Variants in HGF observed in about 807,000 individuals in gnomAD.
HGF encodes fibroblast-derived tumor cytotoxic factor.
In HGF, 39 loss-of-function variants were observed where a neutral mutation model predicts 111.6. That is an observed-to-expected ratio of 0.35 (90% confidence interval 0.27 to 0.46). HGF has a LOEUF of 0.46. Ranked by LOEUF, HGF falls within the 20% of genes least tolerant of loss-of-function variation. The pLI, the probability that HGF is intolerant of heterozygous loss-of-function variation, is 1.00. For missense variants in HGF, 735 were observed against 910.5 expected, an observed-to-expected ratio of 0.81 and a Z score of 2.48; for synonymous variants, 285 against 294.8, an observed-to-expected ratio of 0.97 and a Z score of 0.34.
At position 81,758,712 on chromosome 7, in the gene HGF, A is replaced by G. The variant is rs151170133; in HGVS notation, c.347T>C (p.Phe116Ser). 1 of 1,608,482 alleles carries G rather than the reference A, an allele frequency of 6.2e-7. No homozygotes were observed. The highest frequency in any genetic ancestry group is 8.5e-7 in the Non-Finnish European group (1 of 1,175,178). The change falls in exon 3 of 18, where the codon TTT becomes TCT. Residue 116 changes from phenylalanine to serine, a missense_variant. Transcript: ENST00000222390. ...SGVKKEFGHE[F>S]DLYENKDYIR... ...GTTACCTTTGTTTTCATAGAGGTCA[A>G]ATTCATGGCCAAATTCTTTTTTCAC...
At chr7:81,724,065 G>A (rs918179172) in intron 9 of HGF, among the ~76,000 whole-genome samples, 76 of 152,072 alleles carry the variant, frequency 5.0e-4, no homozygotes, top group African/African-American at 1.4e-3. Context: ...TTTAAGTGAC[G>A]TATATGTATA....
Position 81,726,034 on chromosome 7 carries a change from T to A in HGF, c.1041-17A>T. On this transcript the variant is annotated splice_polypyrimidine_tract_variant and intron_variant, in intron 8 of 17. Transcript: ENST00000222390. ...CGTAGGTCCCTATTGAGAATAAGCATGTTAATGTAAATTGCCGGAGTTCTT... is the reference window on the plus strand; with the variant it reads ...CGTAGGTCCCTATTGAGAATAAGCAAGTTAATGTAAATTGCCGGAGTTCTT... The A allele has an allele frequency of 6.2e-7, 1 of 1,613,690 alleles. No homozygotes were observed.
chr7:81,747,202 G>C (rs1408758525), intron 5 of HGF, among the ~76,000 whole-genome samples: 1 of 152,180 alleles, frequency 6.6e-6, no homozygotes, highest in East Asian at 1.9e-4. Flanking sequence ...AATCAGGTGT[G>C]GTGGTGGGCA....
intron 1 of HGF, among the ~76,000 whole-genome samples, chr7:81,765,827 C>T (rs1393105174): frequency 1.3e-5 from 2 of 152,134 alleles, no homozygotes; most frequent in Non-Finnish European, 2.9e-5. Context: ...CAGTTAAAAG[C>T]CAAGCTTAAT....
chr7:81,710,371 G>C (rs2115800017), intron 12 of HGF, 128 bp from the exon 13 acceptor site: 1 of 720,312 alleles, frequency 1.4e-6, no homozygotes, highest in East Asian at 2.7e-5. Flanking sequence ...AGAACAGTTT[G>C]GTGAAAGAGA....
chr7:81,736,107 C>T (rs10225296), intron 7 of HGF, among the ~76,000 whole-genome samples: 1 of 151,992 alleles, frequency 6.6e-6, no homozygotes, highest in Non-Finnish European at 1.5e-5. Flanking sequence ...GATCTACCCA[C>T]GTCTCACTTC....
At chr7:81,713,957 G>A (rs1488707386) in intron 11 of HGF, among the ~76,000 whole-genome samples, 1 of 150,398 alleles carries the variant, frequency 6.6e-6, no homozygotes, top group Admixed American at 6.7e-5. Flanking sequence ...AATGATAAAA[G>A]TTTTACCTAC....
At chr7:81,732,575 G>C (rs1428389868) in intron 7 of HGF, among the ~76,000 whole-genome samples, 2 of 152,082 alleles carry the variant, frequency 1.3e-5, no homozygotes, top group African/African-American at 4.8e-5. Context: ...ACCCATGATA[G>C]TTACAATCTG....
In HGF at chr7:81,706,289, G is replaced by A. The variant is rs1479154883; in HGVS notation, c.1755C>T (p.Ala585=). 2 of 1,612,186 alleles carry A rather than the reference G, an allele frequency of 1.2e-6. No homozygotes were observed. Among genetic ancestry groups the A allele is most frequent in the East Asian group, 2.2e-5 (1 of 44,830 alleles). Residue 585 remains alanine, a splice_region_variant and synonymous_variant, in exon 15 of 18, where the codon GCC becomes GCT. Transcript: ENST00000222390. ...EGSDLVLMKL[A]RPAVLDDFVS... ...CAAAATCTTCTAAAGTAACTAACCTGGCAAGCTTCATTAAAACCAGATCTG... is the reference window on the plus strand; with the variant it reads ...CAAAATCTTCTAAAGTAACTAACCTAGCAAGCTTCATTAAAACCAGATCTG...
At chr7:81,742,767 A>C in intron 7 of HGF, 1 of 1,509,858 alleles carries the variant, frequency 6.6e-7, no homozygotes, top group Admixed American at 2.1e-5. Flanking sequence ...GATTGTATGG[A>C]CTGCTAAAAG....
chr7:81,709,326 C>T (rs1180086005), intron 13 of HGF, among the ~76,000 whole-genome samples: 1 of 152,034 alleles, frequency 6.6e-6, no homozygotes, highest in East Asian at 1.9e-4. Flanking sequence ...CAATGTGGTT[C>T]AAATTCAATG....
chr7:81,751,495 G>GC (rs1788494796), intron 5 of HGF: 3 of 408,998 alleles, frequency 7.3e-6, no homozygotes, highest in Non-Finnish European at 8.2e-6. Context: ...TGGACTTAAG[G>GC]TCCATAGACA....
rs78291552 is a variant in HGF at position 81,702,807 on chromosome 7, G to T, written c.2011-50C>A. 3,463 of 1,474,030 alleles carry T rather than the reference G, an allele frequency of 2.3e-3. 8 individuals carry two copies. The highest frequency in any genetic ancestry group is 3.9e-3 in the Admixed American group (229 of 59,224). The allele number at this position is 1,474,030 out of a possible 1,614,324, so 91.3% of individuals were successfully genotyped here. ...AAGTATTATTAGGAATTAAAAAAAA[G>T]CTCATTAACATAATCATATATAGAT... On this transcript the variant is annotated intron_variant, in intron 17 of 17. Coordinates refer to ENST00000222390, the MANE Select transcript of HGF (RefSeq NM_000601.6).
chr7:81,737,000 A>ATC (rs547180398), intron 7 of HGF, among the ~76,000 whole-genome samples: 115 of 151,662 alleles, frequency 7.6e-4, no homozygotes, highest in African/African-American at 2.4e-3. Context: ...GTGGATATAG[A>ATC]TATTTCATTC....
chr7:81,757,503 A>C (rs1788838069), intron 3 of HGF, among the ~76,000 whole-genome samples, 200 bp from the exon 4 acceptor site: 1 of 152,196 alleles, frequency 6.6e-6, no homozygotes, highest in African/African-American at 2.4e-5. Flanking sequence ...ATGATTGAGA[A>C]GTTTTAATTT....
chr7:81,707,258 T>A (rs1241719563), intron 14 of HGF, 32 bp downstream of exon 14: 9 of 1,271,104 alleles, frequency 7.1e-6, no homozygotes. Flanking sequence ...TTTTAAAGGC[T>A]CAAAATAATA....
intron 13 of HGF, among the ~76,000 whole-genome samples, chr7:81,709,128 TCTCTA>T (rs1275025738): frequency 6.6e-6 from 1 of 152,162 alleles, no homozygotes; most frequent in Non-Finnish European, 1.5e-5. Flanking sequence ...ACATTCTTTT[TCTCTA>T]CTCTAGGAGG....
At chr7:81,723,092 A>C (rs1789915502) in intron 9 of HGF, among the ~76,000 whole-genome samples, 2 of 152,022 alleles carry the variant, frequency 1.3e-5, no homozygotes, top group Admixed American at 1.3e-4. Context: ...CGGGCGATGA[A>C]ATTGTCTGTA....
chr7:81,703,037 G>T (rs539819553), intron 17 of HGF, among the ~76,000 whole-genome samples: 44 of 151,722 alleles, frequency 2.9e-4, no homozygotes, highest in Middle Eastern at 3.4e-3. Flanking sequence ...CCTTTTAAGT[G>T]TGCTTTGCCT....
Sources: allele counts gnomAD v4.1 joint callset (sites outside exome capture counted in the v4.1 genomes callset), GRCh38; gene constraint gnomAD v4.1.1; transcripts MANE v1.5; gene names NCBI Gene and HGNC (gene_info 2026-07-23, HGNC 2026-07-21).